Variants in TUBGCP2 observed in about 807,000 individuals in gnomAD.
TUBGCP2 encodes the protein tubulin gamma complex component 2, also known as gamma-tubulin complex component 2.
A neutral mutation model predicts 92.2 loss-of-function variants in TUBGCP2; 55 were observed. The ratio of observed to expected loss-of-function variants is 0.60; its 90% CI spans 0.48 to 0.75. The LOEUF is 0.75. TUBGCP2 is among the 30% of genes least tolerant of loss of function. The probability of loss-of-function intolerance (pLI) is 0.00; values close to 1 mark genes in which losing one functional copy is unlikely to be tolerated. For synonymous variants in TUBGCP2, 533 were observed against 505.2 expected (o/e 1.06, Z -0.74); for missense variants, 1,093 against 1,188.9 (o/e 0.92, Z 1.19).
Position 133,279,504 on chromosome 10 carries a change from A to G in TUBGCP2, c.*262T>C. The G allele has an allele frequency of 2.0e-6, 1 of 502,448 alleles. No homozygotes were observed. The highest frequency in any genetic ancestry group is 3.4e-6 in the Non-Finnish European group (1 of 292,898). The allele number at this position is 502,448 out of a possible 1,614,324, so 31.1% of individuals were successfully genotyped here. Reference sequence around the variant, plus strand: ...TTAAACACCATGTATTTCCACTTTGAGGCCAAAAACACCCAAAAAGGTGAT... The same window carrying G: ...TTAAACACCATGTATTTCCACTTTGGGGCCAAAAACACCCAAAAAGGTGAT... On this transcript the variant is annotated 3_prime_UTR_variant, in exon 18 of 18. Transcript: ENST00000252936.
At chr10:133,297,199 C>T (rs935721210) in intron 5 of TUBGCP2, 11 of 298,598 alleles carry the variant, frequency 3.7e-5, no homozygotes, top group Middle Eastern at 1.3e-3. Context: ...GTCAGGAGTT[C>T]GAGACCAGTC....
chr10:133,282,349 G>T lies in TUBGCP2; in HGVS notation c.2290-7C>A. On this transcript the variant is annotated splice_polypyrimidine_tract_variant and splice_region_variant and intron_variant, in intron 15 of 17. Coordinates refer to ENST00000252936, the MANE Select transcript of TUBGCP2 (RefSeq NM_006659.4). ...TCATGCTCTGTGTAAATTTCTAGGGGGGGAGAGTCGCAAGGAAATGCTTCT... is the reference window on the plus strand; with the variant it reads ...TCATGCTCTGTGTAAATTTCTAGGGTGGGAGAGTCGCAAGGAAATGCTTCT... The T allele has an allele frequency of 6.3e-7, 1 of 1,581,964 alleles. No individual in the cohort carries two copies. Among genetic ancestry groups the T allele is most frequent in the South Asian group, 1.1e-5 (1 of 87,146 alleles).
upstream of TUBGCP2, chr10:133,312,083 T>G (rs964802147): frequency 5.5e-6 from 8 of 1,457,380 alleles, no homozygotes; most frequent in African/African-American, 2.8e-5. Context: ...CCACTCACTT[T>G]TCCTCATTGT....
upstream of TUBGCP2, chr10:133,309,199 GCGGGGC>G (rs1847923413): frequency 5.8e-6 from 8 of 1,376,454 alleles, no homozygotes; most frequent in East Asian, 1.9e-4. Context: ...CGACTGCGGG[GCGGGGC>G]CGGAGCCTGG....
At chr10:133,312,189 G>A (rs886478703), upstream of TUBGCP2, 56 of 1,405,110 alleles carry the variant, frequency 4.0e-5, 1 homozygote, top group East Asian at 6.8e-4. Flanking sequence ...CGTTTCTAGC[G>A]TCACCTGTGC....
At chr10:133,291,278 T>C (rs1589827371) in intron 8 of TUBGCP2, among the ~76,000 whole-genome samples, 2 of 63,564 alleles carry the variant, frequency 3.1e-5, no homozygotes, top group African/African-American at 4.6e-4. Context: ...CCCATGTCCC[T>C]CCGTGTCCCT....
At chr10:133,283,002 T>G in intron 15 of TUBGCP2, 76 bp downstream of exon 15, 1 of 1,574,014 alleles carries the variant, frequency 6.4e-7, no homozygotes, top group East Asian at 2.3e-5. Flanking sequence ...GTGAGCAGGC[T>G]GCGTGCGGCC....
chr10:133,283,991 GC>G lies in TUBGCP2; in HGVS notation c.2035del (p.Ala679LeufsTer19). 6.2e-7 allele frequency: 1 copy of G among 1,613,738 alleles called. No individual in the cohort carries two copies. Reference protein sequence around the residue: ...SLHSAQWFAGAFTLRQRMLNF... With the variant: ...SLHSAQWFAGXFTLRQRMLNF... The stretch of plus-strand genomic sequence containing the variant: ...GAGCATTCGCTGCCGCAGAGTGAAA[GC>G]CCCAGCAAACCTGAGTGACACGGAG... On this transcript the variant is annotated frameshift_variant, in exon 14 of 18. Coordinates refer to ENST00000252936, the MANE Select transcript of TUBGCP2 (RefSeq NM_006659.4). LOFTEE classifies it high-confidence loss of function.
chr10:133,311,896 G>A, upstream of TUBGCP2: 1 of 1,613,202 alleles, frequency 6.2e-7, no homozygotes, highest in Non-Finnish European at 8.5e-7. Flanking sequence ...CGGTGCTGAG[G>A]ATTCTGGGCT....
At chr10:133,283,019 G>A (rs774637155) in intron 15 of TUBGCP2, 59 bp downstream of exon 15, 106 of 1,599,312 alleles carry the variant, frequency 6.6e-5, no homozygotes, top group Admixed American at 1.0e-4. Context: ...GGCCACGGTC[G>A]GGACATGGTC....
chr10:133,279,828 G>A lies in TUBGCP2; in HGVS notation c.2647C>T (p.Gln883Ter), dbSNP rs544214141. ...GGGGGCCCCCGCAGGACAGGCACTT[G>A]GGGGGTGGCCTTCTGGCTCCTCTCT... Reference protein sequence around the residue: ...SAERSQKATPQVPVLRGPPAP... With the variant: ...SAERSQKATP The change falls in exon 18 of 18, where the codon CAA becomes TAA. Residue 883 changes from glutamine to a stop codon, truncating the protein, a stop_gained. Coordinates refer to ENST00000252936, the MANE Select transcript of TUBGCP2 (RefSeq NM_006659.4). LOFTEE classifies it high-confidence loss of function. 2 of 1,593,584 alleles carry A rather than the reference G, an allele frequency of 1.3e-6. No individual in the cohort carries two copies. The highest frequency in any genetic ancestry group is 1.7e-6 in the Non-Finnish European group (2 of 1,171,208).
At position 133,278,784 on chromosome 10, in the gene TUBGCP2, T is replaced by TG. The variant is rs1846887714; in HGVS notation, c.*981dup. 1 of 152,170 alleles carries TG rather than the reference T, an allele frequency of 6.6e-6. No individual in the cohort carries two copies. The highest frequency in any genetic ancestry group is 2.1e-4 in the South Asian group (1 of 4,828). The allele number at this position is 152,170 out of a possible 1,614,324, so 9.4% of individuals were successfully genotyped here. A position where few individuals can be genotyped will look rare whatever the true frequency, so the allele number is the denominator to read the frequency against. ...CCGGGTGAGAGCTGCCCACAACCCT[T>TG]GTTCCCCGCAGGATCCTGTTCTAGC... On this transcript the variant is annotated 3_prime_UTR_variant, in exon 18 of 18. Coordinates refer to ENST00000252936, the MANE Select transcript of TUBGCP2 (RefSeq NM_006659.4).
chr10:133,301,492 G>C (rs898191598), intron 2 of TUBGCP2, among the ~76,000 whole-genome samples: 4 of 152,140 alleles, frequency 2.6e-5, no homozygotes, highest in African/African-American at 9.7e-5. Flanking sequence ...GTGTCCCCAA[G>C]TCTCTATTCC....
intron 4 of TUBGCP2, among the ~76,000 whole-genome samples, chr10:133,298,700 C>T (rs1847550230): frequency 6.6e-6 from 1 of 152,268 alleles, no homozygotes; most frequent in Non-Finnish European, 1.5e-5. Context: ...TGGTCAGGGA[C>T]ACGGGCAGAT....
In TUBGCP2 at chr10:133,292,017, ATGTCCCTCTG is replaced by A. The variant is rs1280521828; in HGVS notation, c.1214+472_1214+481del. On this transcript the variant is annotated intron_variant, in intron 8 of 17. Coordinates refer to ENST00000252936, the MANE Select transcript of TUBGCP2 (RefSeq NM_006659.4). ...GCAGCACGCACCCTCCGTGTCCCCC[ATGTCCCTCTG>A]TGTCCCTCCGTGTCCCTCCGTGTCC... 6.7e-3 allele frequency among the ~76,000 whole-genome samples: 22 copies of A among 3,286 alleles called. 9 individuals are homozygous for A. Among genetic ancestry groups the A allele is most frequent in the East Asian group, 0.059 (2 of 34 alleles). The allele number at this position is 3,286 out of a possible 152,430, so 2.2% of individuals were successfully genotyped here.
At chr10:133,282,181 G>A (rs1197577840) in intron 16 of TUBGCP2, 42 bp downstream of exon 16, 6 of 1,610,092 alleles carry the variant, frequency 3.7e-6, no homozygotes, top group Non-Finnish European at 5.1e-6. Flanking sequence ...CGCCCAGCCG[G>A]GAGGAAGCGT....
upstream of TUBGCP2, chr10:133,311,715 G>T: frequency 3.1e-6 from 5 of 1,611,694 alleles, no homozygotes; most frequent in Non-Finnish European, 4.2e-6. Context: ...TCTCCCCGCA[G>T]CCCAGCCTCA....
At chr10:133,283,277 T>C in intron 14 of TUBGCP2, 56 bp from the exon 15 acceptor site, 1 of 1,610,162 alleles carries the variant, frequency 6.2e-7, no homozygotes, top group South Asian at 1.1e-5. Flanking sequence ...AGACGGGCCC[T>C]GCATGCGCAC....
At chr10:133,280,729 G>A (rs1231120060) in intron 17 of TUBGCP2, among the ~76,000 whole-genome samples, 2 of 152,246 alleles carry the variant, frequency 1.3e-5, no homozygotes. Context: ...GACCAGGGGA[G>A]GGTGCAGGGG....
Sources: allele counts gnomAD v4.1 joint callset (sites outside exome capture counted in the v4.1 genomes callset), GRCh38; gene constraint gnomAD v4.1.1; transcripts MANE v1.5; gene names NCBI Gene and HGNC (gene_info 2026-07-23, HGNC 2026-07-21).